The following ANKS1B variants were observed in gnomAD, a reference collection of about 807,000 sequenced individuals.
ANKS1B encodes the protein ankyrin repeat and sterile alpha motif domain containing 1B.
Under a neutral mutation model 148.3 loss-of-function variants are expected in ANKS1B, and 36 were observed. The ratio of observed to expected loss-of-function variants is 0.24; its 90% CI spans 0.19 to 0.32. The LOEUF is 0.32. Among genes scored for constraint, ANKS1B ranks in the 10% least tolerant of loss-of-function variants. The pLI is 1.00. For missense variants in ANKS1B, 1,157 were observed against 1,542.6 expected (o/e 0.75, Z 4.19); for synonymous variants, 542 against 560.8 (o/e 0.97, Z 0.47).
At chr12:99,373,269 G>A (rs964789629) in intron 12 of ANKS1B, among the ~76,000 whole-genome samples, 8 of 152,250 alleles carry the variant, frequency 5.3e-5, no homozygotes, top group East Asian at 3.9e-4. Context: ...GTCAGTAGAT[G>A]CATCAAGAGG....
chr12:99,023,142 T>C (rs1404591422), intron 17 of ANKS1B, among the ~76,000 whole-genome samples: 1 of 152,174 alleles, frequency 6.6e-6, no homozygotes. Context: ...CAATGTTTGC[T>C]ATACTGCTTT....
At chr12:99,251,892 C>T (rs1046015635) in intron 12 of ANKS1B, among the ~76,000 whole-genome samples, 4 of 152,136 alleles carry the variant, frequency 2.6e-5, no homozygotes, top group African/African-American at 7.2e-5. Flanking sequence ...ATGTATAAAA[C>T]GTTTCCTGTA....
At chr12:99,173,103 C>T (rs1277358668) in intron 14 of ANKS1B, among the ~76,000 whole-genome samples, 2 of 152,136 alleles carry the variant, frequency 1.3e-5, no homozygotes, top group African/African-American at 2.4e-5. Flanking sequence ...CATCACTCTT[C>T]AGCAGATGTA....
At chr12:99,634,644 C>T (rs1309353445) in intron 9 of ANKS1B, among the ~76,000 whole-genome samples, 1 of 152,056 alleles carries the variant, frequency 6.6e-6, no homozygotes, top group Non-Finnish European at 1.5e-5. Context: ...AAAATCTCAA[C>T]AGGTAAAATC....
intron 1 of ANKS1B, among the ~76,000 whole-genome samples, chr12:99,906,509 A>G (rs958376217): frequency 6.6e-6 from 1 of 152,066 alleles, no homozygotes; most frequent in Non-Finnish European, 1.5e-5. Context: ...CGCTGAACGG[A>G]ATTTGGTTGA....
chr12:99,065,626 CCATCCATCCATCCCAT>C (rs1565855189), intron 16 of ANKS1B, among the ~76,000 whole-genome samples: 9 of 130,260 alleles, frequency 6.9e-5, no homozygotes, highest in South Asian at 5.6e-4. Flanking sequence ...ATCCATCCAT[CCATCCATCCATCCCAT>C]CCATCCATCC....
At chr12:99,875,099 C>G (rs1488206351) in intron 1 of ANKS1B, among the ~76,000 whole-genome samples, 1 of 152,004 alleles carries the variant, frequency 6.6e-6, no homozygotes, top group Admixed American at 6.6e-5. Context: ...AAGTTGCTAC[C>G]TAAAGAGACT....
chr12:99,081,220 A>G (rs2049633998), intron 16 of ANKS1B, among the ~76,000 whole-genome samples: 2 of 152,188 alleles, frequency 1.3e-5, no homozygotes, highest in Admixed American at 1.3e-4. Context: ...AGCATGAAAA[A>G]TATGCTTTGA....
intron 12 of ANKS1B, among the ~76,000 whole-genome samples, chr12:99,375,065 T>G (rs2093335361): frequency 6.6e-6 from 1 of 152,224 alleles, no homozygotes; most frequent in Admixed American, 6.5e-5. Flanking sequence ...TGGATCACCT[T>G]ATCTTAAAGG....
intron 8 of ANKS1B, among the ~76,000 whole-genome samples, chr12:99,738,976 C>T (rs990448282): frequency 1.1e-4 from 16 of 152,106 alleles, no homozygotes; most frequent in African/African-American, 3.6e-4. Flanking sequence ...ATACTAAGTA[C>T]TCTGTGGAAT....
chr12:98,812,768 T>G (rs1385651562), intron 19 of ANKS1B, among the ~76,000 whole-genome samples: 4 of 152,168 alleles, frequency 2.6e-5, no homozygotes, highest in Non-Finnish European at 5.9e-5. Flanking sequence ...GATATGGGGT[T>G]TCACCATGTT....
rs73381167 is a variant in ANKS1B at position 99,273,883 on chromosome 12, C to A, written c.1757-27019G>T. ...TACAGGTGTAAGCCACGGCACCCGG[C>A]CTTTTTTGTGATTTTTTTAAAGCTA... On this transcript the variant is annotated intron_variant, in intron 12 of 26. Transcript: ENST00000683438. Among the ~76,000 whole-genome samples, 795 of 152,130 alleles carry A rather than the reference C, an allele frequency of 5.2e-3. 7 individuals carry two copies. Among genetic ancestry groups the A allele is most frequent in the African/African-American group, 0.018 (761 of 41,506 alleles).
chr12:98,885,678 G>A (rs1055307990), intron 17 of ANKS1B, among the ~76,000 whole-genome samples: 1 of 151,938 alleles, frequency 6.6e-6, no homozygotes, highest in Admixed American at 6.6e-5. Flanking sequence ...CCCCTTGCCC[G>A]CCCCGTCAAT....
At chr12:98,812,379 G>A (rs1338823458) in intron 19 of ANKS1B, among the ~76,000 whole-genome samples, 8 of 152,176 alleles carry the variant, frequency 5.3e-5, no homozygotes, top group Non-Finnish European at 2.9e-5. Flanking sequence ...CAGCCCAGCT[G>A]TGTGGCAGGT....
At chr12:99,734,209 AC>A (rs1382379057) in intron 8 of ANKS1B, among the ~76,000 whole-genome samples, 2 of 151,992 alleles carry the variant, frequency 1.3e-5, no homozygotes, top group East Asian at 1.9e-4. Context: ...GACTAATTCT[AC>A]CCCCATATTC....
At chr12:98,973,548 G>A (rs1221277288) in intron 17 of ANKS1B, among the ~76,000 whole-genome samples, 1 of 152,166 alleles carries the variant, frequency 6.6e-6, no homozygotes, top group Non-Finnish European at 1.5e-5. Context: ...GTCCTTCTGA[G>A]TTGTGTGATG....
chr12:99,409,399 T>C (rs1333122030), intron 11 of ANKS1B, among the ~76,000 whole-genome samples: 9 of 151,924 alleles, frequency 5.9e-5, no homozygotes, highest in Non-Finnish European at 1.3e-4. Context: ...GTTAATGGGC[T>C]CAAAAATGTG....
chr12:99,144,530 C>CTT (rs2072253917), intron 15 of ANKS1B, among the ~76,000 whole-genome samples: 1 of 151,904 alleles, frequency 6.6e-6, no homozygotes, highest in Non-Finnish European at 1.5e-5. Flanking sequence ...ATGGACTGTG[C>CTT]TTGGCAATGT....
intron 17 of ANKS1B, among the ~76,000 whole-genome samples, chr12:98,947,188 G>A (rs1376575792): frequency 6.6e-6 from 1 of 152,110 alleles, no homozygotes; most frequent in Non-Finnish European, 1.5e-5. Flanking sequence ...GTTTGGCTTT[G>A]ACTCTGATTC....
Sources: allele counts gnomAD v4.1 joint callset (sites outside exome capture counted in the v4.1 genomes callset), GRCh38; gene constraint gnomAD v4.1.1; transcripts MANE v1.5; gene names NCBI Gene and HGNC (gene_info 2026-07-23, HGNC 2026-07-21).